Variants in GINS1 observed in about 807,000 individuals in gnomAD.
The protein encoded by GINS1 is DNA replication complex GINS protein PSF1.
In GINS1, 26 loss-of-function variants were observed where a neutral mutation model predicts 34.9. The ratio of observed to expected loss-of-function variants is 0.74; its 90% CI spans 0.55 to 1.03. The LOEUF is 1.03. GINS1 is among the 50% of genes least tolerant of loss of function. GINS1 has a pLI of 0.00. For synonymous variants in GINS1, 97 were observed against 84.4 expected (o/e 1.15, Z -0.82); for missense variants, 235 against 237.9 (o/e 0.99, Z 0.08).
At chr20:25,425,395 G>A in intron 5 of GINS1, 68 bp downstream of exon 5, 1 of 724,902 alleles carries the variant, frequency 1.4e-6, no homozygotes, top group Non-Finnish European at 2.5e-6. Flanking sequence ...AAGAAGAGAG[G>A]AGTATATGAA....
intron 4 of GINS1, chr20:25,420,709 G>A (rs1171207374): frequency 5.1e-6 from 1 of 194,722 alleles, no homozygotes; most frequent in Non-Finnish European, 9.3e-6. Flanking sequence ...TTGAGCCTGG[G>A]AGGTGGAGGT....
At chr20:25,440,810 CAAAAAA>C (rs60014594) in intron 5 of GINS1, among the ~76,000 whole-genome samples, 11 of 69,090 alleles carry the variant, frequency 1.6e-4, no homozygotes, top group Non-Finnish European at 3.8e-4. Flanking sequence ...GACTCTGTCT[CAAAAAA>C]AAAAAAAAAA....
In GINS1 at chr20:25,423,758, C is replaced by T. The variant is rs558565094; in HGVS notation, c.331-1453C>T. Among the ~76,000 whole-genome samples the T allele has an allele frequency of 2.5e-4, 38 of 151,582 alleles. 1 individual carries two copies. In the South Asian group the frequency reaches 6.9e-3, roughly 27 times the overall value. On this transcript the variant is annotated intron_variant, in intron 4 of 6. Transcript: ENST00000262460. ...CCTCCCGAGTAGCTGGGACTACTGG[C>T]GCCCGCCACCACGCCTGGCTAATTT... is the stretch of plus-strand genomic sequence containing the variant.
Position 25,414,939 on chromosome 20 carries a change from A to G in GINS1, c.140+1085A>G, listed in dbSNP as rs73904472. ...AGGTGACTAGATTTATTGACTCTTT[A>G]GAACTGAGCATGGTAGCTGGCACAG... is the stretch of plus-strand genomic sequence containing the variant. On this transcript the variant is annotated intron_variant, in intron 2 of 6. Coordinates refer to ENST00000262460, the MANE Select transcript of GINS1 (RefSeq NM_021067.5). 7.1e-3 allele frequency among the ~76,000 whole-genome samples: 1,085 copies of G among 152,310 alleles called. 7 individuals are homozygous for G. Among genetic ancestry groups the G allele is most frequent in the African/African-American group, 0.024 (1,011 of 41,566 alleles).
At chr20:25,421,044 G>A in intron 4 of GINS1, 1 of 775,194 alleles carries the variant, frequency 1.3e-6, no homozygotes, top group Non-Finnish European at 1.6e-6. Context: ...ATAGGTATCT[G>A]TATTACCCAA....
At chr20:25,418,951 C>T (rs963075174) in intron 4 of GINS1, among the ~76,000 whole-genome samples, 4 of 152,226 alleles carry the variant, frequency 2.6e-5, no homozygotes, top group Non-Finnish European at 5.9e-5. Context: ...AGTCCCAACT[C>T]TGAGTCATCT....
Position 25,447,936 on chromosome 20 carries a change from GC to G in GINS1, c.*1948del, listed in dbSNP as rs1449208467. ...ACTTGAGCTCAGGAGTTCCAGACCA[GC>G]CCGGGCCTATGGCAAAACTCCGTCT... is the stretch of plus-strand genomic sequence containing the variant. On this transcript the variant is annotated 3_prime_UTR_variant, in exon 7 of 7. Coordinates refer to ENST00000262460, the MANE Select transcript of GINS1 (RefSeq NM_021067.5). 1 of 152,314 alleles carries G rather than the reference GC, an allele frequency of 6.6e-6. No individual in the cohort carries two copies. Among genetic ancestry groups the G allele is most frequent in the African/African-American group, 2.4e-5 (1 of 41,444 alleles). The allele number at this position is 152,314 out of a possible 1,614,324, so 9.4% of individuals were successfully genotyped here.
At chr20:25,443,306 A>G (rs2090492894) in intron 6 of GINS1, among the ~76,000 whole-genome samples, 1 of 152,154 alleles carries the variant, frequency 6.6e-6, no homozygotes, top group African/African-American at 2.4e-5. Context: ...GTATTCTCTT[A>G]GGACACTAAT....
chr20:25,416,708 A>G (rs1168498609), intron 2 of GINS1, among the ~76,000 whole-genome samples: 1 of 152,190 alleles, frequency 6.6e-6, no homozygotes, highest in African/African-American at 2.4e-5. Context: ...ACTGGAAGGG[A>G]GGTACTATGT....
In GINS1 at chr20:25,407,756, C is replaced by G. The variant is rs1195832359; in HGVS notation, c.-65C>G. The G allele has an allele frequency of 8.1e-7, 1 of 1,242,152 alleles. No homozygotes were observed. Among genetic ancestry groups the G allele is most frequent in the Non-Finnish European group, 1.2e-6 (1 of 845,132 alleles). The allele number at this position is 1,242,152 out of a possible 1,614,324, so 76.9% of individuals were successfully genotyped here. ...AACGAAAGGAGTGAGGCGCCGAGAG[C>G]CCAGATACCATTTTGGCGTGAGAGC... is the stretch of plus-strand genomic sequence containing the variant. On this transcript the variant is annotated 5_prime_UTR_variant, in exon 1 of 7. Transcript: ENST00000262460.
chr20:25,443,643 T>C (rs1339793146), intron 6 of GINS1, among the ~76,000 whole-genome samples: 1 of 151,816 alleles, frequency 6.6e-6, no homozygotes, highest in Non-Finnish European at 1.5e-5. Context: ...CACGCCTGGC[T>C]AATTTTTGTA....
intron 5 of GINS1, among the ~76,000 whole-genome samples, chr20:25,429,754 A>T (rs2090416904): frequency 6.6e-6 from 1 of 152,216 alleles, no homozygotes; most frequent in South Asian, 2.1e-4. Context: ...AGATCATATC[A>T]TCTGCAAACA....
chr20:25,422,922 A>G (rs912506642), intron 4 of GINS1, among the ~76,000 whole-genome samples: 1 of 150,496 alleles, frequency 6.6e-6, no homozygotes, highest in African/African-American at 2.4e-5. Context: ...GATTACAGGC[A>G]TGCACCACCA....
intron 5 of GINS1, among the ~76,000 whole-genome samples, chr20:25,437,605 C>T (rs1364203312): frequency 6.6e-6 from 1 of 152,206 alleles, no homozygotes; most frequent in Admixed American, 6.5e-5. Context: ...TCCTACTCCA[C>T]CATTTTACCT....
At chr20:25,439,886 T>C (rs1000778624) in intron 5 of GINS1, among the ~76,000 whole-genome samples, 2 of 150,942 alleles carry the variant, frequency 1.3e-5, no homozygotes, top group Non-Finnish European at 2.9e-5. Context: ...TCCCAGCTAC[T>C]AGGGAGGCTG....
chr20:25,434,647 A>G (rs116915359), intron 5 of GINS1, among the ~76,000 whole-genome samples: 33 of 152,188 alleles, frequency 2.2e-4, no homozygotes, highest in Admixed American at 1.3e-3. Flanking sequence ...TGACCTTGCT[A>G]TGTTGCCAAG....
At chr20:25,437,434 G>A (rs1355840594) in intron 5 of GINS1, among the ~76,000 whole-genome samples, 4 of 152,252 alleles carry the variant, frequency 2.6e-5, no homozygotes, top group African/African-American at 9.6e-5. Context: ...ATGGTTAGCT[G>A]CTGCTATGCT....
intron 5 of GINS1, among the ~76,000 whole-genome samples, chr20:25,441,352 A>G (rs2090481244): frequency 6.6e-6 from 1 of 152,220 alleles, no homozygotes; most frequent in Non-Finnish European, 1.5e-5. Flanking sequence ...GGAGGGATCT[A>G]TAAGAAGCAG....
rs563789095 is a variant in GINS1 at position 25,448,149 on chromosome 20, A to G, written c.*2158A>G. ...CTATCTCAAAAAGAAATTAGGATCA[A>G]TTTGTCAATTTCTACAACAACAACA... is the stretch of plus-strand genomic sequence containing the variant. On this transcript the variant is annotated 3_prime_UTR_variant, in exon 7 of 7. Coordinates refer to ENST00000262460, the MANE Select transcript of GINS1 (RefSeq NM_021067.5). The G allele has an allele frequency of 1.3e-5, 2 of 152,300 alleles. No individual in the cohort carries two copies. Among genetic ancestry groups the G allele is most frequent in the East Asian group, 3.9e-4 (2 of 5,184 alleles). 9.4% of individuals were successfully genotyped at this position (152,300 alleles called of 1,614,324 possible).
Sources: gnomAD v4.1 joint callset for allele counts (sites outside exome capture counted in the v4.1 genomes callset) on GRCh38, gnomAD v4.1.1 for gene constraint, MANE v1.5 for transcripts, NCBI Gene and HGNC (gene_info 2026-07-23, HGNC 2026-07-21) for gene names.